The following EXT1 variants were observed in gnomAD, a reference collection of about 807,000 sequenced individuals.
The protein encoded by EXT1 is exostosin-1.
EXT1 carries 20 observed loss-of-function variants against 82.5 expected under a neutral mutation model. The ratio of observed to expected loss-of-function variants is 0.24; its 90% CI spans 0.17 to 0.35. EXT1 has a LOEUF of 0.35. EXT1 is among the 10% of genes least tolerant of loss of function. The pLI is 1.00. For missense variants in EXT1, 757 were observed against 936.5 expected, an observed-to-expected ratio of 0.81 and a Z score of 2.50; for synonymous variants, 348 against 350.8, an observed-to-expected ratio of 0.99 and a Z score of 0.09.
At chr8:118,060,079 G>A (rs998795119) in intron 1 of EXT1, among the ~76,000 whole-genome samples, 5 of 152,146 alleles carry the variant, frequency 3.3e-5, no homozygotes, top group East Asian at 1.9e-4. Context: ...ACCACAGAGC[G>A]CTCAATGAGT....
chr8:118,110,056 C>G, intron 1 of EXT1, 29 bp downstream of exon 1: 1 of 1,613,006 alleles, frequency 6.2e-7, no homozygotes, highest in Non-Finnish European at 8.5e-7. Flanking sequence ...AAGGCTGACT[C>G]CCAAAGACAC....
intron 1 of EXT1, among the ~76,000 whole-genome samples, chr8:117,920,582 T>C (rs1028796452): frequency 3.3e-5 from 5 of 152,184 alleles, no homozygotes; most frequent in African/African-American, 1.2e-4. Context: ...CAAACTCTCC[T>C]GGGAAGGAAG....
intron 1 of EXT1, among the ~76,000 whole-genome samples, chr8:117,937,081 GC>G (rs1814179293): frequency 6.6e-6 from 1 of 151,890 alleles, no homozygotes; most frequent in African/African-American, 2.4e-5. Flanking sequence ...TACTTCCCCT[GC>G]CCAATATCCC....
At position 117,895,191 on chromosome 8, in the gene EXT1, G is replaced by A. The variant is rs117226487; in HGVS notation, c.963-57990C>T. Among the ~76,000 whole-genome samples, 904 of 152,198 alleles carry A rather than the reference G, an allele frequency of 5.9e-3. 9 individuals carry two copies. The highest frequency in any genetic ancestry group is 0.017 in the Middle Eastern group (5 of 294). On this transcript the variant is annotated intron_variant, in intron 1 of 10. Coordinates refer to ENST00000378204, the MANE Select transcript of EXT1 (RefSeq NM_000127.3). ...ATAACATCTGGCTTGCTTGGGCTCG[G>A]CTCTAATAGGGTCTCTGTGGGGTTT...
intron 1 of EXT1, among the ~76,000 whole-genome samples, chr8:118,053,675 A>T (rs2129928500): frequency 6.6e-6 from 1 of 152,186 alleles, no homozygotes; most frequent in East Asian, 1.9e-4. Flanking sequence ...TTACAATTTA[A>T]CTTACTGATT....
intron 1 of EXT1, among the ~76,000 whole-genome samples, chr8:117,862,167 C>T (rs1485827612): frequency 6.9e-6 from 1 of 145,850 alleles, no homozygotes; most frequent in African/African-American, 2.4e-5. Context: ...ACAGTCTCAG[C>T]TGCTGTTAAA....
At chr8:117,985,184 C>T (rs1186113467) in intron 1 of EXT1, among the ~76,000 whole-genome samples, 1 of 152,236 alleles carries the variant, frequency 6.6e-6, no homozygotes, top group African/African-American at 2.4e-5. Flanking sequence ...CAAACCAAAT[C>T]TGAGGGATCT....
chr8:117,950,249 TAAATA>T (rs909335659), intron 1 of EXT1, among the ~76,000 whole-genome samples: 172 of 151,976 alleles, frequency 1.1e-3, no homozygotes, highest in African/African-American at 1.4e-3. Context: ...ACAAACAAAA[TAAATA>T]AAATAAAATA....
At position 118,111,018 on chromosome 8, in the gene EXT1, A is replaced by G; in HGVS notation, c.29T>C (p.Leu10Pro). The G allele has an allele frequency of 6.2e-7, 1 of 1,601,800 alleles. No individual in the cohort carries two copies. Residue 10 changes from leucine to proline, a missense_variant, in exon 1 of 11, where the codon CTG (leucine) becomes CCG (proline). Physicochemically the swap from Leu to Pro is moderately conservative, Grantham distance 98. This residue lies in a region of EXT1 where 175 missense variants were observed against 159.0 expected (regional missense o/e 1.10). Coordinates refer to ENST00000378204, the MANE Select transcript of EXT1 (RefSeq NM_000127.3). Reference sequence around the variant, plus strand: ...GGCGAGACAAGAGCCAGCTGAGAGCAGGATGAAATAGCGTTTTTTGGCCTG... The same window carrying G: ...GGCGAGACAAGAGCCAGCTGAGAGCGGGATGAAATAGCGTTTTTTGGCCTG... The part of the protein sequence containing the change: MQAKKRYFI[L>P]LSAGSCLALL...
chr8:117,979,843 G>T (rs762518072), intron 1 of EXT1, among the ~76,000 whole-genome samples: 13 of 152,204 alleles, frequency 8.5e-5, no homozygotes, highest in Admixed American at 3.9e-4. Context: ...TTTAGTGAGT[G>T]ACAGAGAAAA....
intron 1 of EXT1, among the ~76,000 whole-genome samples, chr8:118,042,589 G>A (rs939565052): frequency 2.0e-5 from 3 of 152,090 alleles, no homozygotes; most frequent in African/African-American, 7.2e-5. Flanking sequence ...GCCTCTGGGG[G>A]CACCTGGCCC....
chr8:117,799,462 A>G lies in EXT1; in HGVS notation c.*250T>C. 8.2e-6 allele frequency: 4 copies of G among 485,462 alleles called. No individual in the cohort carries two copies. The highest frequency in any genetic ancestry group is 1.5e-5 in the Non-Finnish European group (4 of 272,058). The allele number at this position is 485,462 out of a possible 1,614,324, so 30.1% of individuals were successfully genotyped here. On this transcript the variant is annotated 3_prime_UTR_variant, in exon 11 of 11. Transcript: ENST00000378204. ...TTCAAAAATAATTATTTAATGTTCC[A>G]TAATTAAACTGTACACAACCTAGTC...
chr8:117,937,174 G>A (rs1814181300), intron 1 of EXT1, among the ~76,000 whole-genome samples: 1 of 152,158 alleles, frequency 6.6e-6, no homozygotes, highest in African/African-American at 2.4e-5. Context: ...GTGGCTGTAT[G>A]TATTTAATAT....
chr8:118,002,185 CT>C (rs1371832580), intron 1 of EXT1, among the ~76,000 whole-genome samples: 1 of 151,748 alleles, frequency 6.6e-6, no homozygotes, highest in Non-Finnish European at 1.5e-5. Context: ...ATAATTCTTC[CT>C]CAGCATAAAC....
intron 1 of EXT1, among the ~76,000 whole-genome samples, chr8:117,884,289 CA>C (rs769910200): frequency 1.7e-4 from 26 of 152,162 alleles, no homozygotes; most frequent in Admixed American, 4.6e-4. Flanking sequence ...CAAAAGCCCC[CA>C]AAGAAGAATG....
At chr8:117,966,318 A>C (rs1365065805) in intron 1 of EXT1, among the ~76,000 whole-genome samples, 1 of 152,184 alleles carries the variant, frequency 6.6e-6, no homozygotes, top group Non-Finnish European at 1.5e-5. Flanking sequence ...CTTGCTATTC[A>C]GCCTGTTGAC....
chr8:118,026,079 T>C (rs1186378659), intron 1 of EXT1, among the ~76,000 whole-genome samples: 1 of 152,176 alleles, frequency 6.6e-6, no homozygotes, highest in Non-Finnish European at 1.5e-5. Context: ...GGCGACCAGT[T>C]ACCCAGCGGT....
intron 1 of EXT1, among the ~76,000 whole-genome samples, chr8:117,927,258 A>G (rs1054210994): frequency 1.3e-4 from 19 of 146,238 alleles, no homozygotes; most frequent in Non-Finnish European, 7.5e-5. Context: ...GGTTTTTTGG[A>G]AAAAAAAAGA....
intron 1 of EXT1, among the ~76,000 whole-genome samples, chr8:118,066,855 G>T (rs1023108915): frequency 6.6e-6 from 1 of 152,052 alleles, no homozygotes; most frequent in African/African-American, 2.4e-5. Context: ...CATTGTTCAA[G>T]GACCAACTGT....
Sources: allele counts gnomAD v4.1 joint callset (sites outside exome capture counted in the v4.1 genomes callset), GRCh38; gene constraint gnomAD v4.1.1; regional missense constraint gnomAD v4.1.1; transcripts MANE v1.5; gene names NCBI Gene and HGNC (gene_info 2026-07-23, HGNC 2026-07-21).